Variants in PTPRR observed in about 807,000 individuals in gnomAD.
PTPRR encodes the protein protein tyrosine phosphatase receptor type R, also known as receptor-type tyrosine-protein phosphatase R.
A neutral mutation model predicts 77.2 loss-of-function variants in PTPRR; 38 were observed. That is an observed-to-expected ratio of 0.49 (90% CI 0.38 to 0.65). The LOEUF (loss-of-function observed/expected upper bound fraction) is 0.65. PTPRR is among the 30% of genes least tolerant of loss of function. The pLI, the probability that PTPRR is intolerant of heterozygous loss-of-function variation, is 0.00. For missense variants in PTPRR, 744 were observed against 799.2 expected (o/e 0.93, Z 0.83); for synonymous variants, 299 against 283.1 (o/e 1.06, Z -0.57).
chr12:70,666,935 GTTTTTT>G (rs142691396), intron 10 of PTPRR, among the ~76,000 whole-genome samples: 85 of 29,004 alleles, frequency 2.9e-3, no homozygotes, highest in South Asian at 5.5e-3. Context: ...GTGTTTTTCT[GTTTTTT>G]TTTTTTTTTT....
chr12:70,709,323 A>C (rs1207118481), intron 6 of PTPRR, among the ~76,000 whole-genome samples: 2 of 152,194 alleles, frequency 1.3e-5, no homozygotes, highest in Non-Finnish European at 2.9e-5. Flanking sequence ...ACCTCAAAAT[A>C]CTAAGAGCCA....
chr12:70,661,606 C>T (rs1455956891), intron 11 of PTPRR, among the ~76,000 whole-genome samples: 2 of 152,116 alleles, frequency 1.3e-5, no homozygotes, highest in South Asian at 2.1e-4. Context: ...ACATGAGATC[C>T]CTCTATTGGA....
At chr12:70,816,402 A>G (rs1471021832) in intron 2 of PTPRR, among the ~76,000 whole-genome samples, 1 of 152,142 alleles carries the variant, frequency 6.6e-6, no homozygotes, top group African/African-American at 2.4e-5. Context: ...GAAACATAAA[A>G]TAGTTCAGCC....
chr12:70,768,071 C>A lies in PTPRR; in HGVS notation c.358-3293G>T, dbSNP rs562329325. Among the ~76,000 whole-genome samples the A allele has an allele frequency of 1.6e-4, 24 of 151,972 alleles. No homozygotes were observed. In the South Asian group the frequency reaches 4.8e-3, roughly 30 times the overall value. ...CCCACAAGAGAAAGCAGGAAAGATC[C>A]AAAACTGACACCCTAACATCACAAT... On this transcript the variant is annotated intron_variant, in intron 2 of 13. Coordinates refer to ENST00000283228, the MANE Select transcript of PTPRR (RefSeq NM_002849.4).
chr12:70,851,007 T>C (rs1344985374), intron 2 of PTPRR, among the ~76,000 whole-genome samples: 1 of 152,184 alleles, frequency 6.6e-6, no homozygotes, highest in Non-Finnish European at 1.5e-5. Flanking sequence ...AAGCCAACAT[T>C]TGTTGGGTAT....
chr12:70,837,689 G>A (rs775083799), intron 2 of PTPRR, among the ~76,000 whole-genome samples: 1 of 152,056 alleles, frequency 6.6e-6, no homozygotes, highest in Admixed American at 6.6e-5. Flanking sequence ...TCAGCTTTCC[G>A]GAAGCCTACT....
intron 2 of PTPRR, among the ~76,000 whole-genome samples, chr12:70,854,536 C>T (rs1288814444): frequency 1.3e-5 from 2 of 152,214 alleles, no homozygotes; most frequent in Non-Finnish European, 2.9e-5. Context: ...TCATTTACTC[C>T]AAGGCTCCTT....
intron 2 of PTPRR, among the ~76,000 whole-genome samples, chr12:70,775,664 CA>C (rs1375451243): frequency 1.3e-5 from 2 of 152,156 alleles, no homozygotes; most frequent in African/African-American, 4.8e-5. Context: ...AGAGATGCCT[CA>C]AGGCTCCTTA....
intron 2 of PTPRR, among the ~76,000 whole-genome samples, chr12:70,791,971 T>G (rs1334224122): frequency 6.6e-6 from 1 of 152,168 alleles, no homozygotes; most frequent in Non-Finnish European, 1.5e-5. Context: ...AAAAACACAG[T>G]GATTTCAGAG....
rs191124249 is a variant in PTPRR, at chr12:70,726,977, A to G, written c.1007+18841T>C. Among the ~76,000 whole-genome samples the G allele has an allele frequency of 4.4e-3, 671 of 152,072 alleles. 5 individuals are homozygous for G. The highest frequency in any genetic ancestry group is 4.8e-3 in the Non-Finnish European group (326 of 67,984). The stretch of plus-strand genomic sequence containing the variant: ...TTTACGCAGGGGATGGCTAGGGGAG[A>G]GAAGGGGGAAAGTGGAATAAGCTTT... On this transcript the variant is annotated intron_variant, in intron 6 of 13. Coordinates refer to ENST00000283228, the MANE Select transcript of PTPRR (RefSeq NM_002849.4).
intron 2 of PTPRR, among the ~76,000 whole-genome samples, chr12:70,876,990 C>T (rs7977031): frequency 0.59 from 90,115 of 151,914 alleles, 27,072 homozygotes; most frequent in Admixed American, 0.66. Context: ...GGGTGGACCA[C>T]GGTGACATGA....
intron 6 of PTPRR, among the ~76,000 whole-genome samples, chr12:70,724,467 T>A (rs1039126488): frequency 3.9e-5 from 6 of 152,194 alleles, no homozygotes; most frequent in African/African-American, 1.4e-4. Context: ...CAGGGCTTGA[T>A]AACGTAATAA....
rs1888415189 is a variant in PTPRR, at chr12:70,701,283, A to G, written c.1048T>C (p.Leu350=). 6 of 1,613,782 alleles carry G rather than the reference A, an allele frequency of 3.7e-6. No individual in the cohort carries two copies. Among genetic ancestry groups the G allele is most frequent in the South Asian group, 2.2e-5 (2 of 91,084 alleles). The part of the protein sequence containing the change: ...NVSLTLDMSS[L]GNIEPFVSIP... ...GACACAAAGGGTTCAATGTTCCCCAAGCTACTCATGTCCAATGTAAGAGAT... is the reference window on the plus strand; with the variant it reads ...GACACAAAGGGTTCAATGTTCCCCAGGCTACTCATGTCCAATGTAAGAGAT... The change falls in exon 7 of 14, where the codon TTG becomes CTG. Residue 350 remains leucine (L), a synonymous_variant. Coordinates refer to ENST00000283228, the MANE Select transcript of PTPRR (RefSeq NM_002849.4).
intron 1 of PTPRR, among the ~76,000 whole-genome samples, chr12:70,915,082 A>G (rs2137140309): frequency 6.6e-6 from 1 of 152,300 alleles, no homozygotes; most frequent in African/African-American, 2.4e-5. Flanking sequence ...GAAGACCTAA[A>G]AGTACAAATT....
intron 2 of PTPRR, among the ~76,000 whole-genome samples, chr12:70,778,684 T>C (rs1221246761): frequency 1.3e-5 from 2 of 152,112 alleles, no homozygotes; most frequent in African/African-American, 2.4e-5. Flanking sequence ...GTGATTTCAA[T>C]TTCTCTAATG....
chr12:70,769,522 A>C (rs1890916024), intron 2 of PTPRR, among the ~76,000 whole-genome samples: 2 of 152,206 alleles, frequency 1.3e-5, no homozygotes, highest in African/African-American at 4.8e-5. Flanking sequence ...GATACAAACA[A>C]ATGGAAGAAC....
At chr12:70,696,852 T>C (rs967487483) in intron 8 of PTPRR, among the ~76,000 whole-genome samples, 11 of 152,300 alleles carry the variant, frequency 7.2e-5, no homozygotes, top group Non-Finnish European at 1.5e-4. Context: ...ATAAATGGAC[T>C]ACAAAATATG....
In PTPRR at chr12:70,892,681, C is replaced by T; in HGVS notation, c.355G>A (p.Val119Met). The T allele has an allele frequency of 6.2e-7, 1 of 1,612,896 alleles. No individual in the cohort carries two copies. The highest frequency in any genetic ancestry group is 8.5e-7 in the Non-Finnish European group (1 of 1,179,070). The change falls in exon 2 of 14, where the codon GTG (valine) becomes ATG (methionine). Residue 119 changes from valine to methionine, a missense_variant and splice_region_variant. Coordinates refer to ENST00000283228, the MANE Select transcript of PTPRR (RefSeq NM_002849.4). ...LPIPAANVIV[V>M]TLQMDVNKLN... ...CATCAGTTTAACATACTACTTACCA[C>T]CACAATTACATTTGCTGCTGGGATT...
intron 2 of PTPRR, among the ~76,000 whole-genome samples, chr12:70,851,937 A>AT (rs1473042079): frequency 2.0e-5 from 3 of 152,032 alleles, no homozygotes; most frequent in African/African-American, 4.8e-5. Flanking sequence ...TCTTTTCATT[A>AT]TTTTTTCAAA....
Sources: gnomAD v4.1 joint callset for allele counts (sites outside exome capture counted in the v4.1 genomes callset) on GRCh38, gnomAD v4.1.1 for gene constraint, MANE v1.5 for transcripts, NCBI Gene and HGNC (gene_info 2026-07-23, HGNC 2026-07-21) for gene names.